Variants in VCPKMT observed in about 807,000 individuals in gnomAD.
VCPKMT encodes the protein protein N-lysine methyltransferase METTL21D.
A neutral mutation model predicts 28.6 loss-of-function variants in VCPKMT; 32 were observed. The observed-to-expected ratio is 1.12, with a 90% confidence interval of 0.84 to 1.50. The LOEUF (loss-of-function observed/expected upper bound fraction) is 1.50, where lower values mean the gene tolerates loss of function less well. Ranked by LOEUF, VCPKMT falls within the 40% of genes most tolerant of loss-of-function variation. The pLI, the probability that VCPKMT is intolerant of heterozygous loss-of-function variation, is 0.00. For synonymous variants in VCPKMT, 138 were observed against 111.4 expected (o/e 1.24, Z -1.50); for missense variants, 366 against 285.0 (o/e 1.28, Z -2.05).
At chr14:50,115,802 C>CT (rs1883124902) in intron 3 of VCPKMT, 37 bp downstream of exon 3, 1 of 1,573,716 alleles carries the variant, frequency 6.4e-7, no homozygotes, top group African/African-American at 1.4e-5. Context: ...TAAGGTTCAT[C>CT]TTCTAAGTGA....
downstream of VCPKMT, among the ~76,000 whole-genome samples, chr14:50,104,693 GAA>G (rs752691243): frequency 0.012 from 1,023 of 87,254 alleles, 18 homozygotes; most frequent in African/African-American, 0.039. Context: ...TTACTCTATT[GAA>G]AAAAAAAAAA....
chr14:50,108,272 T>G, downstream of VCPKMT, among the ~76,000 whole-genome samples: 1 of 151,252 alleles, frequency 6.6e-6, no homozygotes, highest in African/African-American at 2.4e-5. Flanking sequence ...CTGGGTGGAC[T>G]ATTATAGTCA....
chr14:50,116,195 G>C lies in VCPKMT; in HGVS notation c.267-16C>G. 2 of 1,613,794 alleles carry C rather than the reference G, an allele frequency of 1.2e-6. No homozygotes were observed. The highest frequency in any genetic ancestry group is 2.7e-5 in the African/African-American group (2 of 74,976). ...AACATCAGCCCTATAAAATAACGTC[G>C]ACTGAGGTGTAGGCACAGGGGGGAA... On this transcript the variant is annotated splice_polypyrimidine_tract_variant and intron_variant, in intron 1 of 5. Coordinates refer to ENST00000395860, the MANE Select transcript of VCPKMT (RefSeq NM_024558.3).
At position 50,108,691 on chromosome 14, in the gene VCPKMT, C is replaced by A. The variant is rs1254196624; in HGVS notation, c.*1008G>T. ...AAAATGTACCATCTAGCACCAATGCCTATAAATACCAGAATTCCATCCGGT... is the reference window on the plus strand; with the variant it reads ...AAAATGTACCATCTAGCACCAATGCATATAAATACCAGAATTCCATCCGGT... On this transcript the variant is annotated 3_prime_UTR_variant, in exon 6 of 6. Coordinates refer to ENST00000395860, the MANE Select transcript of VCPKMT (RefSeq NM_024558.3). The A allele has an allele frequency of 1.0e-6, 1 of 985,676 alleles. No individual in the cohort carries two copies. Among genetic ancestry groups the A allele is most frequent in the Non-Finnish European group, 1.2e-6 (1 of 829,922 alleles). The allele number at this position is 985,676 out of a possible 1,614,324, so 61.1% of individuals were successfully genotyped here.
At chr14:50,112,932 C>A (rs1189467231) in intron 4 of VCPKMT, among the ~76,000 whole-genome samples, 2 of 152,110 alleles carry the variant, frequency 1.3e-5, no homozygotes, top group African/African-American at 4.8e-5. Flanking sequence ...GGATTACAGG[C>A]AAACGACACC....
rs2139452740 is a variant in VCPKMT at position 50,116,309 on chromosome 14, C to T, written c.244G>A (p.Gly82Arg). Residue 82 changes from glycine to arginine, a missense_variant, in exon 1 of 6, where the codon GGG becomes AGG. Physicochemically the swap from Gly to Arg is moderately radical, Grantham distance 125. Coordinates refer to ENST00000395860, the MANE Select transcript of VCPKMT (RefSeq NM_024558.3). ...LELGSGTGAV[G>R]LMAATLGADV... ...TACCCGAGGGTAGCAGCCATGAGCC[C>T]CACGGCCCCGGTGCCCGAACCCAGC... The T allele has an allele frequency of 6.2e-7, 1 of 1,607,774 alleles. No homozygotes were observed. Among genetic ancestry groups the T allele is most frequent in the East Asian group, 2.2e-5 (1 of 44,572 alleles).
At chr14:50,112,759 T>C (rs1194196972) in intron 4 of VCPKMT, 40 bp from the exon 5 acceptor site, 12 of 1,366,708 alleles carry the variant, frequency 8.8e-6, no homozygotes, top group South Asian at 1.3e-5. Flanking sequence ...TTCAATAATA[T>C]GAACTGACCT....
chr14:50,113,567 T>G, intron 4 of VCPKMT: 1 of 150,088 alleles, frequency 6.7e-6, no homozygotes, highest in Non-Finnish European at 1.5e-5. Flanking sequence ...ATTTTGCAAC[T>G]TCCTGTAAGT....
At chr14:50,106,463 T>C (rs1882322844), downstream of VCPKMT, 6 of 819,404 alleles carry the variant, frequency 7.3e-6, 1 homozygote, top group Admixed American at 3.1e-4. Flanking sequence ...ACTTGCCTTT[T>C]AAACCACGTC....
downstream of VCPKMT, among the ~76,000 whole-genome samples, chr14:50,105,381 A>C (rs2139422950): frequency 6.6e-6 from 1 of 152,334 alleles, no homozygotes; most frequent in South Asian, 2.1e-4. Context: ...ACATAATCCC[A>C]ACACTTTGGG....
intron 3 of VCPKMT, among the ~76,000 whole-genome samples, chr14:50,114,648 G>A (rs1882974161): frequency 6.6e-6 from 1 of 152,148 alleles, no homozygotes; most frequent in South Asian, 2.1e-4. Context: ...CCAGCCTGGA[G>A]AATACAGCGA....
downstream of VCPKMT, among the ~76,000 whole-genome samples, chr14:50,108,209 A>AAAG (rs1279759401): frequency 6.6e-6 from 1 of 151,438 alleles, no homozygotes; most frequent in African/African-American, 2.4e-5. Flanking sequence ...AAAAAAAAAA[A>AAAG]AGAGAAAGCA....
downstream of VCPKMT, chr14:50,106,471 G>T: frequency 1.2e-6 from 1 of 856,314 alleles, no homozygotes; most frequent in Non-Finnish European, 1.4e-6. Flanking sequence ...TTTAAACCAC[G>T]TCGTCCCCTC....
intron 4 of VCPKMT, among the ~76,000 whole-genome samples, chr14:50,113,869 CTG>C (rs1165147913): frequency 1.6e-4 from 23 of 142,992 alleles, no homozygotes; most frequent in African/African-American, 6.0e-4. Flanking sequence ...TGAGCCCTGA[CTG>C]TGCCACTGCA....
At position 50,112,629 on chromosome 14, in the gene VCPKMT, T is replaced by G; in HGVS notation, c.661A>C (p.Arg221=). 1 of 1,546,514 alleles carries G rather than the reference T, an allele frequency of 6.5e-7. No homozygotes were observed. The highest frequency in any genetic ancestry group is 1.2e-5 in the South Asian group (1 of 84,050). ...RSEDIHIIYI[R]KKKSKFPS is the part of the protein sequence containing the mutation. ...ATGTTATTTACCGATTTTTTCTTTCTGATGTATATAATATGAATATCTTCA... is the reference window on the plus strand; with the variant it reads ...ATGTTATTTACCGATTTTTTCTTTCGGATGTATATAATATGAATATCTTCA... Residue 221 remains arginine, a synonymous_variant, in exon 5 of 6, where the codon AGA becomes CGA. Transcript: ENST00000395860.
chr14:50,102,873 C>T, the VCPKMT span, among the ~76,000 whole-genome samples: 1 of 152,268 alleles, frequency 6.6e-6, no homozygotes, highest in Admixed American at 6.5e-5. Flanking sequence ...ATTGAGTATT[C>T]ATGACAATAT....
downstream of VCPKMT, chr14:50,106,720 G>A: frequency 1.1e-6 from 1 of 894,422 alleles, no homozygotes; most frequent in Non-Finnish European, 1.3e-6. Flanking sequence ...CCTTCCTCCT[G>A]CGGTTTTGTT....
downstream of VCPKMT, among the ~76,000 whole-genome samples, chr14:50,104,873 CAGAGA>C (rs1882270051): frequency 1.3e-5 from 2 of 152,036 alleles, 1 homozygote; most frequent in Admixed American, 1.3e-4. Flanking sequence ...ATATCAATAG[CAGAGA>C]AAACATTTTA....
At chr14:50,108,059 C>T (rs375188808), downstream of VCPKMT, among the ~76,000 whole-genome samples, 1 of 151,788 alleles carries the variant, frequency 6.6e-6, no homozygotes, top group African/African-American at 2.4e-5. Context: ...GCTGTGGTGG[C>T]GCACCTGTAG....
Sources: allele counts gnomAD v4.1 joint callset (sites outside exome capture counted in the v4.1 genomes callset), GRCh38; gene constraint gnomAD v4.1.1; transcripts MANE v1.5; gene names NCBI Gene and HGNC (gene_info 2026-07-23, HGNC 2026-07-21).